Variants in CLDN14 observed in about 807,000 individuals in gnomAD.
The protein encoded by CLDN14 is claudin 14, also known as claudin-14.
Under a neutral mutation model 2.1 loss-of-function variants are expected in CLDN14, and 2 were observed. The ratio of observed to expected loss-of-function variants is 0.96; its 90% CI spans 0.39 to 3.01. The LOEUF (loss-of-function observed/expected upper bound fraction) is 3.01. CLDN14 is among the 30% of genes most tolerant of loss of function. The probability of loss-of-function intolerance (pLI) is 0.09; values close to 1 mark genes in which losing one functional copy is unlikely to be tolerated. For missense variants in CLDN14, 298 were observed against 328.0 expected (o/e 0.91, Z 0.71); for synonymous variants, 136 against 154.4 (o/e 0.88, Z 0.88).
chr21:36,546,831 A>T (rs1273489838), intron 1 of CLDN14, among the ~76,000 whole-genome samples: 1 of 152,246 alleles, frequency 6.6e-6, no homozygotes, highest in African/African-American at 2.4e-5. Flanking sequence ...TAGAGAGTAC[A>T]TTATAAATAA....
intron 1 of CLDN14, among the ~76,000 whole-genome samples, chr21:36,531,730 C>T (rs2087381946): frequency 6.8e-6 from 1 of 146,348 alleles, no homozygotes. Flanking sequence ...ATATATTCTT[C>T]ATTATCTATG....
chr21:36,495,315 G>A (rs1312044714), intron 2 of CLDN14, among the ~76,000 whole-genome samples: 7 of 152,132 alleles, frequency 4.6e-5, no homozygotes, highest in African/African-American at 9.7e-5. Flanking sequence ...GGCAACAAGC[G>A]TGAAACTCCA....
At chr21:36,538,187 GA>G (rs1158729565) in intron 1 of CLDN14, among the ~76,000 whole-genome samples, 1 of 152,148 alleles carries the variant, frequency 6.6e-6, no homozygotes, top group Non-Finnish European at 1.5e-5. Context: ...AGATCAACCA[GA>G]AATAGATGAA....
At chr21:36,575,941 C>T (rs899237798) in intron 1 of CLDN14, among the ~76,000 whole-genome samples, 1 of 152,218 alleles carries the variant, frequency 6.6e-6, no homozygotes, top group African/African-American at 2.4e-5. Context: ...AAGACCCTCG[C>T]ACCATCCAGA....
intron 1 of CLDN14, chr21:36,576,310 C>G (rs905047431): frequency 6.6e-6 from 1 of 152,202 alleles, no homozygotes; most frequent in Admixed American, 6.5e-5. Flanking sequence ...CCTAACTCAC[C>G]TGCCTGCTCT....
At chr21:36,484,124 C>T (rs532165276), upstream of CLDN14, among the ~76,000 whole-genome samples, 13 of 152,286 alleles carry the variant, frequency 8.5e-5, no homozygotes, top group East Asian at 3.9e-4. Context: ...GAACCGTAGG[C>T]CTTGGGGCCG....
chr21:36,561,407 G>A (rs1392500548), intron 1 of CLDN14, among the ~76,000 whole-genome samples: 1 of 152,178 alleles, frequency 6.6e-6, no homozygotes, highest in Non-Finnish European at 1.5e-5. Context: ...ACTTGGGGGA[G>A]GACAGGAAAC....
intron 1 of CLDN14, among the ~76,000 whole-genome samples, chr21:36,467,189 T>C (rs1249897047): frequency 6.6e-6 from 1 of 152,230 alleles, no homozygotes; most frequent in Non-Finnish European, 1.5e-5. Flanking sequence ...CTCTGTTTTC[T>C]CTGAGCTATG....
intron 1 of CLDN14, 93 bp from the exon 2 acceptor site, chr21:36,461,869 T>G: frequency 1.2e-6 from 1 of 847,722 alleles, no homozygotes. Flanking sequence ...AACCAAGTTT[T>G]TCATAGGTGG....
intron 1 of CLDN14, chr21:36,532,500 G>C (rs949242549): frequency 2.2e-4 from 34 of 151,984 alleles, no homozygotes; most frequent in African/African-American, 8.0e-4. Flanking sequence ...AATGCTAAAT[G>C]ACGAGTTAAC....
At chr21:36,462,961 A>G (rs144001761) in intron 1 of CLDN14, among the ~76,000 whole-genome samples, 77 of 151,804 alleles carry the variant, frequency 5.1e-4, no homozygotes, top group African/African-American at 1.7e-3. Context: ...ACACTAGGAA[A>G]TATAGAAGGA....
intron 1 of CLDN14, among the ~76,000 whole-genome samples, chr21:36,567,307 A>T (rs2087680328): frequency 6.6e-6 from 1 of 152,224 alleles, no homozygotes; most frequent in Non-Finnish European, 1.5e-5. Flanking sequence ...GGGAAAGTTG[A>T]TGTAGAATAG....
chr21:36,514,581 C>A (rs911182663), intron 1 of CLDN14, among the ~76,000 whole-genome samples: 1 of 151,142 alleles, frequency 6.6e-6, no homozygotes, highest in South Asian at 2.1e-4. Context: ...GAGCTGTGCA[C>A]CCGAAGAGAG....
intron 2 of CLDN14, among the ~76,000 whole-genome samples, chr21:36,485,610 G>A (rs1187060823): frequency 6.6e-6 from 1 of 152,228 alleles, no homozygotes; most frequent in East Asian, 1.9e-4. Flanking sequence ...AGTGATCGCA[G>A]CAGTCAAGTT....
At chr21:36,543,609 G>A (rs1285971625) in intron 1 of CLDN14, among the ~76,000 whole-genome samples, 3 of 152,110 alleles carry the variant, frequency 2.0e-5, no homozygotes, top group African/African-American at 7.2e-5. Flanking sequence ...TTACATAATC[G>A]TTGTAACTAC....
chr21:36,483,586 A>G (rs116414345), upstream of CLDN14, among the ~76,000 whole-genome samples: 1 of 152,206 alleles, frequency 6.6e-6, no homozygotes. Flanking sequence ...TTCTTTCTCC[A>G]TGGCAACTAG....
At chr21:36,540,034 GGT>G (rs1244708093) in intron 1 of CLDN14, among the ~76,000 whole-genome samples, 1 of 148,116 alleles carries the variant, frequency 6.8e-6, no homozygotes, top group East Asian at 2.1e-4. Context: ...TGTATGGTGT[GGT>G]GTGTGTGTGG....
intron 1 of CLDN14, among the ~76,000 whole-genome samples, chr21:36,516,996 C>T (rs1199368087): frequency 4.6e-5 from 7 of 152,228 alleles, no homozygotes; most frequent in East Asian, 1.9e-4. Context: ...TGCCCCACCA[C>T]GCCTGGCTAA....
chr21:36,508,658 A>G (rs1476113577), intron 2 of CLDN14, among the ~76,000 whole-genome samples: 1 of 152,228 alleles, frequency 6.6e-6, no homozygotes, highest in African/African-American at 2.4e-5. Context: ...ACCCTCTACA[A>G]GGACACCGGA....
Sources: allele counts gnomAD v4.1 joint callset (sites outside exome capture counted in the v4.1 genomes callset), GRCh38; gene constraint gnomAD v4.1.1; transcripts MANE v1.5; gene names NCBI Gene and HGNC (gene_info 2026-07-23, HGNC 2026-07-21).